The following AGFG1 variants were observed in gnomAD, a reference collection of about 807,000 sequenced individuals.
AGFG1 encodes arf-GAP domain and FG repeat-containing protein 1.
In AGFG1, 10 loss-of-function variants were observed where a neutral mutation model predicts 60.6. The ratio of observed to expected loss-of-function variants is 0.16; its 90% CI spans 0.10 to 0.28. The LOEUF is 0.28. Among genes scored for constraint, AGFG1 ranks in the 10% least tolerant of loss-of-function variants. The pLI, the probability that AGFG1 is intolerant of heterozygous loss-of-function variation, is 1.00. For missense variants in AGFG1, 537 were observed against 676.5 expected, an observed-to-expected ratio of 0.79 and a Z score of 2.29; for synonymous variants, 247 against 242.9, an observed-to-expected ratio of 1.02 and a Z score of -0.16.
intron 10 of AGFG1, among the ~76,000 whole-genome samples, chr2:227,547,162 T>C (rs1317605826): frequency 6.6e-6 from 1 of 152,214 alleles, no homozygotes; most frequent in Non-Finnish European, 1.5e-5. Flanking sequence ...ATTCCTTATA[T>C]CTAAATACTT....
chr2:227,541,048 A>AT (rs1252580559), intron 10 of AGFG1, among the ~76,000 whole-genome samples: 2 of 151,474 alleles, frequency 1.3e-5, no homozygotes, highest in Admixed American at 1.3e-4. Context: ...GGGTTGTTTG[A>AT]TTTTTTTTCT....
Position 227,557,706 on chromosome 2 carries a change from A to T in AGFG1, c.*3211A>T, listed in dbSNP as rs1372438504. On this transcript the variant is annotated 3_prime_UTR_variant, in exon 13 of 13. Coordinates refer to ENST00000310078, the MANE Select transcript of AGFG1 (RefSeq NM_004504.5). ...CTAATGAGAACAGGAACATTGTTTT[A>T]CATTTTATGCATTTAAATCTGGCTT... 3.9e-5 allele frequency: 6 copies of T among 152,186 alleles called. No homozygotes were observed. Among genetic ancestry groups the T allele is most frequent in the African/African-American group, 1.4e-4 (6 of 41,438 alleles). The allele number at this position is 152,186 out of a possible 1,614,324, so 9.4% of individuals were successfully genotyped here.
chr2:227,520,382 A>G (rs2106205310), intron 3 of AGFG1, among the ~76,000 whole-genome samples: 1 of 152,298 alleles, frequency 6.6e-6, no homozygotes, highest in East Asian at 1.9e-4. Flanking sequence ...GTTCTTAAAA[A>G]TCATTAATTT....
At chr2:227,527,806 T>C (rs76683910) in intron 5 of AGFG1, among the ~76,000 whole-genome samples, 4,533 of 152,300 alleles carry the variant, frequency 0.03, 109 homozygotes, top group Non-Finnish European at 0.045. Context: ...AGCTTACTCT[T>C]TTATTTGTCA....
chr2:227,504,601 T>G (rs1474941773), intron 2 of AGFG1, among the ~76,000 whole-genome samples: 1 of 152,244 alleles, frequency 6.6e-6, no homozygotes, highest in East Asian at 1.9e-4. Context: ...CCCTCTAAGC[T>G]CTACTTAACT....
At position 227,472,492 on chromosome 2, in the gene AGFG1, C is replaced by T. The variant is rs769003880; in HGVS notation, c.71C>T (p.Pro24Leu). ...ATGCTGCGGGACATGACCGGCCTCCCGCACAACCGAAAGTGCTTCGACTGC... is the reference window on the plus strand; with the variant it reads ...ATGCTGCGGGACATGACCGGCCTCCTGCACAACCGAAAGTGCTTCGACTGC... ...LKMLRDMTGL[P>L]HNRKCFDCDQ... Residue 24 changes from proline (P) to leucine (L), a missense_variant, in exon 1 of 13, where the codon CCG becomes CTG. By Grantham distance (98) the Pro-to-Leu change is moderately conservative (BLOSUM62 -3). Around this residue, in one of 4 missense-constraint regions of AGFG1, gnomAD observed 120 missense variants for 198.5 expected, o/e 0.60. Coordinates refer to ENST00000310078, the MANE Select transcript of AGFG1 (RefSeq NM_004504.5). 1 of 1,580,798 alleles carries T rather than the reference C, an allele frequency of 6.3e-7. No individual in the cohort carries two copies. Among genetic ancestry groups the T allele is most frequent in the East Asian group, 2.5e-5 (1 of 40,454 alleles).
chr2:227,491,840 A>T (rs1031875650), intron 2 of AGFG1, among the ~76,000 whole-genome samples, 200 bp downstream of exon 2: 1 of 152,148 alleles, frequency 6.6e-6, no homozygotes, highest in African/African-American at 2.4e-5. Flanking sequence ...CTTTACCGTA[A>T]ATCTGAGGTG....
At chr2:227,533,087 C>G (rs780361365) in intron 6 of AGFG1, among the ~76,000 whole-genome samples, 7 of 152,078 alleles carry the variant, frequency 4.6e-5, no homozygotes, top group Non-Finnish European at 1.0e-4. Flanking sequence ...TTTGGATCAC[C>G]GTAACACATT....
At chr2:227,524,476 C>T (rs1429534978) in intron 4 of AGFG1, among the ~76,000 whole-genome samples, 1 of 152,162 alleles carries the variant, frequency 6.6e-6, no homozygotes, top group Admixed American at 6.5e-5. Flanking sequence ...GTTGATGGGG[C>T]TGTGACAGAT....
chr2:227,550,968 A>G (rs965675280), intron 10 of AGFG1, among the ~76,000 whole-genome samples: 1 of 152,194 alleles, frequency 6.6e-6, no homozygotes, highest in Non-Finnish European at 1.5e-5. Context: ...CCTTCCTAAA[A>G]CACATAGTTG....
chr2:227,480,218 A>G (rs1307444600), intron 1 of AGFG1, among the ~76,000 whole-genome samples: 1 of 152,138 alleles, frequency 6.6e-6, no homozygotes, highest in Non-Finnish European at 1.5e-5. Context: ...ACACATGATC[A>G]CTGTCATTGG....
At chr2:227,491,696 T>C in intron 2 of AGFG1, 56 bp downstream of exon 2, 2 of 1,011,892 alleles carry the variant, frequency 2.0e-6, no homozygotes, top group Admixed American at 4.9e-5. Flanking sequence ...GCAGTCATTT[T>C]AATGAGATTT....
chr2:227,479,576 T>C (rs546053870), intron 1 of AGFG1, among the ~76,000 whole-genome samples: 18 of 152,332 alleles, frequency 1.2e-4, no homozygotes, highest in Admixed American at 1.2e-3. Flanking sequence ...TTCCTTCTTT[T>C]CTGTGCAGCG....
Position 227,499,228 on chromosome 2 carries a change from T to TC in AGFG1, c.261+7589dup, listed in dbSNP as rs553208615. Among the ~76,000 whole-genome samples, 7 of 152,326 alleles carry TC rather than the reference T, an allele frequency of 4.6e-5. No homozygotes were observed. In the South Asian group the frequency reaches 1.4e-3, roughly 32 times the overall value. On this transcript the variant is annotated intron_variant, in intron 2 of 12. Coordinates refer to ENST00000310078, the MANE Select transcript of AGFG1 (RefSeq NM_004504.5). ...GTCAGTGTTTTAAGTTTTCTGTTGTTCATCAGTATCTTACTTTTCTTTTTT... is the reference window on the plus strand; with the variant it reads ...GTCAGTGTTTTAAGTTTTCTGTTGTTCCATCAGTATCTTACTTTTCTTTTTT...
chr2:227,541,876 C>A (rs1038260268), intron 10 of AGFG1, among the ~76,000 whole-genome samples: 1 of 152,124 alleles, frequency 6.6e-6, no homozygotes, highest in Non-Finnish European at 1.5e-5. Flanking sequence ...TTTCATTGAG[C>A]AGTGGTTTGT....
chr2:227,504,582 G>C (rs892733088), intron 2 of AGFG1, among the ~76,000 whole-genome samples: 1 of 152,344 alleles, frequency 6.6e-6, no homozygotes, highest in East Asian at 1.9e-4. Context: ...ATTTTAAAGT[G>C]ATCATTTTCC....
intron 2 of AGFG1, among the ~76,000 whole-genome samples, chr2:227,508,093 A>G (rs1208924001): frequency 3.3e-5 from 5 of 151,856 alleles, no homozygotes; most frequent in African/African-American, 1.2e-4. Flanking sequence ...GTTTATTTAC[A>G]TAGAATATTG....
intron 2 of AGFG1, among the ~76,000 whole-genome samples, chr2:227,510,423 T>C (rs1176040786): frequency 2.0e-5 from 3 of 152,116 alleles, no homozygotes; most frequent in Non-Finnish European, 4.4e-5. Flanking sequence ...TTGTATGTAG[T>C]GGGCTCTGTG....
intron 6 of AGFG1, among the ~76,000 whole-genome samples, chr2:227,532,567 A>G (rs1317434615): frequency 6.6e-6 from 1 of 151,768 alleles, no homozygotes; most frequent in Non-Finnish European, 1.5e-5. Flanking sequence ...ATCAGTGTAT[A>G]TTTTTTTTAG....
Sources: allele counts gnomAD v4.1 joint callset (sites outside exome capture counted in the v4.1 genomes callset), GRCh38; gene constraint gnomAD v4.1.1; regional missense constraint gnomAD v4.1.1; transcripts MANE v1.5; gene names NCBI Gene and HGNC (gene_info 2026-07-23, HGNC 2026-07-21).